Variants in KCNN1 observed in about 807,000 individuals in gnomAD.
The protein encoded by KCNN1 is small conductance calcium-activated potassium channel protein 1.
In KCNN1, 20 loss-of-function variants were observed where a neutral mutation model predicts 44.7. That is an observed-to-expected ratio of 0.45 (90% CI 0.32 to 0.65). The LOEUF (loss-of-function observed/expected upper bound fraction) is 0.65, where lower values mean the gene tolerates loss of function less well. Among genes scored for constraint, KCNN1 ranks in the 30% least tolerant of loss-of-function variants. The pLI is 0.05. For missense variants in KCNN1, 632 were observed against 785.3 expected, an observed-to-expected ratio of 0.80 and a Z score of 2.33; for synonymous variants, 324 against 341.7, an observed-to-expected ratio of 0.95 and a Z score of 0.57.
At chr19:17,958,646 G>A (rs1316789025) in intron 2 of KCNN1, among the ~76,000 whole-genome samples, 3 of 151,524 alleles carry the variant, frequency 2.0e-5, no homozygotes, top group Non-Finnish European at 4.4e-5. Context: ...GCCTGCCACC[G>A]TGCCCGGCTA....
Position 17,978,632 on chromosome 19 carries a change from A to G in KCNN1, c.499-3077A>G, listed in dbSNP as rs118104618. 1.5e-3 allele frequency among the ~76,000 whole-genome samples: 231 copies of G among 150,018 alleles called. 3 individuals carry two copies. In the Middle Eastern group the frequency reaches 0.044, roughly 28 times the overall value. On this transcript the variant is annotated intron_variant, in intron 3 of 9. Coordinates refer to ENST00000684775, the MANE Select transcript of KCNN1 (RefSeq NM_001386974.1). ...TATACAGATATATAAAACCATACATATATAAAGACAGGATTTTCCTATGTT... is the reference window on the plus strand; with the variant it reads ...TATACAGATATATAAAACCATACATGTATAAAGACAGGATTTTCCTATGTT...
At chr19:17,988,621 G>C in intron 6 of KCNN1, 96 bp downstream of exon 6, 1 of 898,432 alleles carries the variant, frequency 1.1e-6, no homozygotes, top group African/African-American at 1.6e-5. Context: ...GCATGCTCAT[G>C]TGCCCATGGG....
chr19:17,951,630 G>C (rs144048759), intron 1 of KCNN1, among the ~76,000 whole-genome samples: 311 of 152,232 alleles, frequency 2.0e-3, no homozygotes, highest in Non-Finnish European at 3.1e-3. Flanking sequence ...GCGCAGGTTG[G>C]GGGGAGGGTG....
At chr19:17,995,266 C>T (rs1031325460) in intron 9 of KCNN1, among the ~76,000 whole-genome samples, 5 of 151,312 alleles carry the variant, frequency 3.3e-5, no homozygotes, top group African/African-American at 1.2e-4. Context: ...TCAACCTCCC[C>T]AGGCTCAAGC....
At position 17,998,216 on chromosome 19, in the gene KCNN1, G is replaced by T. The variant is rs765453929; in HGVS notation, c.1442G>T (p.Arg481Leu). 1 of 1,587,464 alleles carries T rather than the reference G, an allele frequency of 6.3e-7. No homozygotes were observed. The highest frequency in any genetic ancestry group is 2.3e-5 in the East Asian group (1 of 43,426). Residue 481 changes from arginine (R) to leucine (L), a missense_variant, in exon 10 of 10, where the codon CGC becomes CTC. Arg to Leu is a moderately radical substitution (Grantham distance 102, BLOSUM62 -2). Around this residue, in one of 3 missense-constraint regions of KCNN1, gnomAD observed 237 missense variants for 253.0 expected, o/e 0.94. Coordinates refer to ENST00000684775, the MANE Select transcript of KCNN1 (RefSeq NM_001386974.1). This position sits in a 1 kb window ranked among gnomAD's most constrained non-coding sequence, Gnocchi z 5.4. ...GCTCAGCACGAGGAGCTGGAGGCCC[G>T]CCTGGCCACCCTGGAAAGCCGCTTG... Reference protein sequence around the residue: ...LHAQHEELEARLATLESRLDA... With the variant: ...LHAQHEELEALLATLESRLDA...
chr19:17,988,154 CAAAAAAA>C (rs59928660), intron 5 of KCNN1, among the ~76,000 whole-genome samples: 3 of 53,524 alleles, frequency 5.6e-5, no homozygotes, highest in Admixed American at 2.3e-4. Flanking sequence ...GACTCCATCT[CAAAAAAA>C]AAAAAAAAAA....
At chr19:17,959,279 G>A (rs1287215299) in intron 2 of KCNN1, among the ~76,000 whole-genome samples, 2 of 150,934 alleles carry the variant, frequency 1.3e-5, no homozygotes, top group Non-Finnish European at 2.9e-5. Flanking sequence ...TTTTTTTTGA[G>A]ACAGAGTCTC....
intron 1 of KCNN1, among the ~76,000 whole-genome samples, chr19:17,953,172 G>GC (rs1300880258): frequency 1.3e-5 from 2 of 152,160 alleles, no homozygotes; most frequent in Non-Finnish European, 2.9e-5. Context: ...TCCCCCGTGT[G>GC]CCCCCGCTCC....
upstream of KCNN1, among the ~76,000 whole-genome samples, chr19:17,966,331 A>G (rs1038114223): frequency 6.6e-6 from 1 of 152,206 alleles, no homozygotes; most frequent in African/African-American, 2.4e-5. Context: ...AGAGGCAGTA[A>G]GACTGGAAGA....
intron 1 of KCNN1, among the ~76,000 whole-genome samples, chr19:17,971,788 T>C (rs981418392): frequency 6.8e-6 from 1 of 148,004 alleles, no homozygotes; most frequent in African/African-American, 2.5e-5. Flanking sequence ...CACAACATCA[T>C]GCCACAGTTT....
At chr19:17,984,769 C>T (rs949618272) in intron 4 of KCNN1, among the ~76,000 whole-genome samples, 4 of 152,118 alleles carry the variant, frequency 2.6e-5, no homozygotes, top group African/African-American at 7.2e-5. Context: ...GTGCCAAAGC[C>T]GATGCCCCTC....
chr19:17,955,258 A>T (rs1375492009), intron 2 of KCNN1, among the ~76,000 whole-genome samples: 1 of 138,534 alleles, frequency 7.2e-6, no homozygotes, highest in Non-Finnish European at 1.6e-5. Context: ...CTCTTTAATT[A>T]AAAAAAAAAA....
Position 17,998,491 on chromosome 19 carries a change from G to A in KCNN1, c.*85G>A. 7.5e-7 allele frequency: 1 copy of A among 1,327,236 alleles called. No individual in the cohort carries two copies. The highest frequency in any genetic ancestry group is 9.9e-7 in the Non-Finnish European group (1 of 1,005,190). 82.2% of individuals were successfully genotyped at this position (1,327,236 alleles called of 1,614,324 possible). ...AAGCCTTGTACAGTGGCGCCTCTTG[G>A]AGTTCAAGAAGCCAACGCTGAGTCA... is the stretch of plus-strand genomic sequence containing the variant. On this transcript the variant is annotated 3_prime_UTR_variant, in exon 10 of 10. Transcript: ENST00000684775. This position sits in a 1 kb window ranked among gnomAD's most constrained non-coding sequence, Gnocchi z 5.4.
chr19:17,994,509 C>G (rs964952599), intron 9 of KCNN1, among the ~76,000 whole-genome samples: 1 of 149,426 alleles, frequency 6.7e-6, no homozygotes, highest in African/African-American at 2.4e-5. Flanking sequence ...TGTGTTGATT[C>G]GAATATCAAG....
chr19:17,967,520 C>T (rs984549321), intron 1 of KCNN1, among the ~76,000 whole-genome samples: 2 of 152,008 alleles, frequency 1.3e-5, no homozygotes, highest in Admixed American at 6.6e-5. Flanking sequence ...TGAGGATCCA[C>T]GCACCCCCAT....
At chr19:17,959,415 G>A (rs2031627073) in intron 2 of KCNN1, among the ~76,000 whole-genome samples, 2 of 151,186 alleles carry the variant, frequency 1.3e-5, no homozygotes, top group Non-Finnish European at 1.5e-5. Context: ...CTGCCACCAC[G>A]CCTGGCTAAT....
At chr19:17,987,983 AAC>A (rs34814590) in intron 5 of KCNN1, among the ~76,000 whole-genome samples, 55,649 of 147,776 alleles carry the variant, frequency 0.38, 10,630 homozygotes, top group East Asian at 0.52. Context: ...TTACTAAACA[AAC>A]ACACACACAC....
intron 1 of KCNN1, among the ~76,000 whole-genome samples, chr19:17,973,223 C>A (rs2032084178): frequency 6.6e-6 from 1 of 152,168 alleles, no homozygotes; most frequent in Non-Finnish European, 1.5e-5. Context: ...CCAGTCTCAG[C>A]CTCTGAGTAG....
chr19:17,975,284 G>A, intron 3 of KCNN1, 97 bp downstream of exon 3: 1 of 805,804 alleles, frequency 1.2e-6, no homozygotes, highest in Non-Finnish European at 2.1e-6. Flanking sequence ...AAACATAAAA[G>A]GATGTATAAT....
Sources: allele counts gnomAD v4.1 joint callset (sites outside exome capture counted in the v4.1 genomes callset), GRCh38; gene constraint gnomAD v4.1.1; regional missense constraint gnomAD v4.1.1; non-coding constraint Gnocchi (gnomAD v3.1); transcripts MANE v1.5; gene names NCBI Gene and HGNC (gene_info 2026-07-23, HGNC 2026-07-21).